MAF: variants seen among roughly 807,000 people sequenced by gnomAD.
The protein encoded by MAF is transcription factor Maf.
In MAF, 10 loss-of-function variants were observed where a neutral mutation model predicts 22.0. The ratio of observed to expected loss-of-function variants is 0.45; its 90% confidence interval spans 0.28 to 0.77. The LOEUF is 0.77. MAF is among the 30% of genes least tolerant of loss of function. MAF has a pLI of 0.12. For missense variants in MAF, 544 were observed against 548.4 expected, an observed-to-expected ratio of 0.99 and a Z score of 0.08; for synonymous variants, 337 against 255.8, an observed-to-expected ratio of 1.32 and a Z score of -3.03.
the MAF span, among the ~76,000 whole-genome samples, chr16:79,410,647 C>G: frequency 6.6e-6 from 1 of 152,140 alleles, no homozygotes; most frequent in Non-Finnish European, 1.5e-5. Context: ...ATGGCTGTGA[C>G]ATGGGATGAG....
At chr16:79,352,835 G>A in the MAF span, among the ~76,000 whole-genome samples, 22 of 152,240 alleles carry the variant, frequency 1.4e-4, no homozygotes, top group African/African-American at 5.3e-4. Context: ...TACCAAAAAC[G>A]TCCCTAGACA....
At chr16:79,593,202 T>A (rs1029905146), downstream of MAF, among the ~76,000 whole-genome samples, 6 of 152,194 alleles carry the variant, frequency 3.9e-5, no homozygotes, top group East Asian at 9.6e-4. Context: ...GCCAAGAGTA[T>A]GTGAATACGG....
At chr16:79,379,077 G>C in the MAF span, among the ~76,000 whole-genome samples, 2 of 152,204 alleles carry the variant, frequency 1.3e-5, no homozygotes, top group African/African-American at 4.8e-5. Context: ...TAAAGATCAA[G>C]AGTCAGCTTG....
the MAF span, among the ~76,000 whole-genome samples, chr16:79,565,501 T>A: frequency 7.2e-6 from 1 of 139,096 alleles, no homozygotes; most frequent in East Asian, 2.0e-4. Flanking sequence ...AATCTTCACG[T>A]GTTGTGGGGG....
the MAF span, among the ~76,000 whole-genome samples, chr16:79,562,622 T>C: frequency 6.6e-6 from 1 of 152,122 alleles, no homozygotes; most frequent in Admixed American, 6.5e-5. Flanking sequence ...AACACAAATT[T>C]CTCAACATCT....
chr16:79,327,345 A>G, the MAF span, among the ~76,000 whole-genome samples: 103 of 152,192 alleles, frequency 6.8e-4, 2 homozygotes, highest in East Asian at 8.9e-3. Context: ...TTATTATCAT[A>G]TGGCCTTTGT....
At chr16:79,209,931 T>G in the MAF span, among the ~76,000 whole-genome samples, 4 of 152,118 alleles carry the variant, frequency 2.6e-5, no homozygotes, top group East Asian at 1.9e-4. Flanking sequence ...CACAAATCAA[T>G]GGGAAAAGAA....
At chr16:79,250,921 C>T in the MAF span, among the ~76,000 whole-genome samples, 6 of 152,154 alleles carry the variant, frequency 3.9e-5, no homozygotes, top group South Asian at 1.0e-3. Context: ...CAAGTGGTGA[C>T]TGTATTTGTC....
At chr16:79,547,608 G>C in the MAF span, among the ~76,000 whole-genome samples, 1 of 152,052 alleles carries the variant, frequency 6.6e-6, no homozygotes, top group Non-Finnish European at 1.5e-5. Context: ...TTGCTATATA[G>C]ATGCAACAAA....
the MAF span, among the ~76,000 whole-genome samples, chr16:79,223,530 G>C: frequency 6.6e-6 from 1 of 152,080 alleles, no homozygotes; most frequent in Non-Finnish European, 1.5e-5. Flanking sequence ...AACTGAAGGA[G>C]ATAGAGACAC....
At chr16:79,379,219 A>G in the MAF span, among the ~76,000 whole-genome samples, 1 of 152,158 alleles carries the variant, frequency 6.6e-6, no homozygotes, top group Non-Finnish European at 1.5e-5. Context: ...CAACCCTAAT[A>G]GATTGGTTGT....
the MAF span, among the ~76,000 whole-genome samples, chr16:79,369,557 T>G: frequency 6.6e-6 from 1 of 152,204 alleles, no homozygotes; most frequent in African/African-American, 2.4e-5. Flanking sequence ...TTGCAAATAT[T>G]TCTTTTTCTT....
At chr16:79,540,785 TG>T in the MAF span, among the ~76,000 whole-genome samples, 2 of 152,204 alleles carry the variant, frequency 1.3e-5, no homozygotes, top group South Asian at 4.1e-4. Flanking sequence ...TTCTCTGACA[TG>T]TGGGGAAAAC....
chr16:79,415,447 C>G, the MAF span, among the ~76,000 whole-genome samples: 6 of 152,194 alleles, frequency 3.9e-5, no homozygotes, highest in East Asian at 7.7e-4. Flanking sequence ...GTTCAGGACT[C>G]TAGCCATTGA....
At chr16:79,422,314 T>C in the MAF span, among the ~76,000 whole-genome samples, 2 of 152,198 alleles carry the variant, frequency 1.3e-5, no homozygotes, top group South Asian at 4.1e-4. Context: ...GTGAAGGGGC[T>C]TTTCCTTTCT....
At chr16:79,235,749 C>T in the MAF span, among the ~76,000 whole-genome samples, 1 of 151,936 alleles carries the variant, frequency 6.6e-6, no homozygotes, top group Non-Finnish European at 1.5e-5. Flanking sequence ...AAATACCTGA[C>T]CAGTAAGTAT....
the MAF span, among the ~76,000 whole-genome samples, chr16:79,235,715 G>T: frequency 6.6e-6 from 1 of 152,028 alleles, no homozygotes; most frequent in African/African-American, 2.4e-5. Context: ...TCACCTCAAT[G>T]TTGGGAGGTG....
chr16:79,434,358 T>C, the MAF span, among the ~76,000 whole-genome samples: 1 of 152,172 alleles, frequency 6.6e-6, no homozygotes, highest in African/African-American at 2.4e-5. Context: ...GAACCTTAAT[T>C]TTAAAGTTTG....
the MAF span, among the ~76,000 whole-genome samples, chr16:79,359,292 T>A: frequency 6.6e-6 from 1 of 152,164 alleles, no homozygotes; most frequent in African/African-American, 2.4e-5. Context: ...TCTCAGGAAG[T>A]GATGGTGATG....
Sources: allele counts gnomAD v4.1 joint callset (sites outside exome capture counted in the v4.1 genomes callset), GRCh38; gene constraint gnomAD v4.1.1; transcripts MANE v1.5; gene names NCBI Gene and HGNC (gene_info 2026-07-23, HGNC 2026-07-21).